Variants in RHOT2 observed in about 807,000 individuals in gnomAD.
RHOT2 encodes mitochondrial Rho GTPase 2.
Under a neutral mutation model 81.6 loss-of-function variants are expected in RHOT2, and 90 were observed. That is an observed-to-expected ratio of 1.10 (90% CI 0.93 to 1.31). The LOEUF (loss-of-function observed/expected upper bound fraction) is 1.31, where lower values mean the gene tolerates loss of function less well. Ranked by LOEUF, RHOT2 falls within the 40% of genes most tolerant of loss-of-function variation. The pLI is 0.00. For synonymous variants in RHOT2, 512 were observed against 370.9 expected (o/e 1.38, Z -4.37); for missense variants, 1,014 against 841.9 (o/e 1.20, Z -2.53).
chr16:669,926 G>A, intron 5 of RHOT2, 197 bp from the exon 6 acceptor site: 1 of 617,616 alleles, frequency 1.6e-6, no homozygotes, highest in Non-Finnish European at 2.8e-6. Context: ...GGGGTGTTTG[G>A]GAGCCATTGG....
intron 4 of RHOT2, 160 bp downstream of exon 4, chr16:668,859 G>A (rs1387824216): frequency 4.4e-6 from 3 of 686,264 alleles, no homozygotes; most frequent in Admixed American, 3.2e-5. Context: ...AGCGCACCCC[G>A]CTGGGAGCCG....
At chr16:668,832 G>C (rs1027877689) in intron 4 of RHOT2, 133 bp downstream of exon 4, 1 of 984,102 alleles carries the variant, frequency 1.0e-6, no homozygotes, top group Non-Finnish European at 1.5e-6. Context: ...CGCACTGAGG[G>C]TTGTCGGGGC....
At chr16:669,097 C>T (rs1007493561) in intron 4 of RHOT2, 9 of 388,508 alleles carry the variant, frequency 2.3e-5, no homozygotes, top group Non-Finnish European at 2.3e-5. Context: ...CAGGCCACAG[C>T]CACCCAGGGC....
In RHOT2 at chr16:672,369, C is replaced by T. The variant is rs141927684; in HGVS notation, c.1311C>T (p.Leu437=). The T allele has an allele frequency of 5.9e-5, 95 of 1,610,322 alleles. No individual in the cohort carries two copies. The highest frequency in any genetic ancestry group is 1.0e-4 in the Admixed American group (6 of 59,822). The part of the protein sequence containing the change: ...VGKSAFLQAF[L]GRGLGHQDTR... Reference sequence around the variant, plus strand: ...AGTCTGCCTTCCTGCAGGCCTTTCTCGGCCGCGGCCTGGGGGTAAGCACCC... The same window carrying T: ...AGTCTGCCTTCCTGCAGGCCTTTCTTGGCCGCGGCCTGGGGGTAAGCACCC... Residue 437 remains leucine (L), a synonymous_variant, in exon 15 of 19, where the codon CTC becomes CTT. Transcript: ENST00000315082.
rs774740268 is a variant in RHOT2 at position 670,900 on chromosome 16, C to T, written c.648C>T (p.Cys216=). ...CGTTCTCTCGGAAGCAGAAATCCTG[C>T]TTTGGGCACCCCCTGGCCCCGCAGG... The part of the protein sequence containing the change: ...DEELNAFQKS[C]FGHPLAPQAL... Residue 216 remains cysteine, a synonymous_variant, in exon 10 of 19, where the codon TGC becomes TGT. Transcript: ENST00000315082. 2 of 1,574,212 alleles carry T rather than the reference C, an allele frequency of 1.3e-6. No individual in the cohort carries two copies. Among genetic ancestry groups the T allele is most frequent in the South Asian group, 1.1e-5 (1 of 87,072 alleles).
Position 668,399 on chromosome 16 carries a change from G to A in RHOT2, c.84G>A (p.Glu28=). Residue 28 remains glutamate (E), a synonymous_variant, in exon 2 of 19, where the codon GAG becomes GAA. Transcript: ENST00000315082. The part of the protein sequence containing the change: ...TSLILSLVGE[E]FPEEVPPRAE... The stretch of plus-strand genomic sequence containing the variant: ...TGATCCTGTCCCTGGTGGGCGAGGA[G>A]TTCCCCGAGGAGGTAAGGGGCACGC... The A allele has an allele frequency of 1.4e-6, 2 of 1,476,478 alleles. No individual in the cohort carries two copies. The highest frequency in any genetic ancestry group is 2.4e-5 in the Admixed American group (1 of 40,852). 91.5% of individuals were successfully genotyped at this position (1,476,478 alleles called of 1,614,324 possible).
intron 4 of RHOT2, chr16:668,931 C>G (rs989007598): frequency 1.9e-6 from 1 of 535,078 alleles, no homozygotes; most frequent in Non-Finnish European, 3.2e-6. Context: ...GCTCTCCCTC[C>G]CTCCTGCCGG....
At position 670,515 on chromosome 16, in the gene RHOT2, C is replaced by G. The variant is rs373753356; in HGVS notation, c.498C>G (p.Val166=). 6.2e-7 allele frequency: 1 copy of G among 1,608,636 alleles called. No individual in the cohort carries two copies. The change falls in exon 8 of 19, where the codon GTC becomes GTG. Residue 166 remains valine, a synonymous_variant. Coordinates refer to ENST00000315082, the MANE Select transcript of RHOT2 (RefSeq NM_138769.3). The part of the protein sequence containing the change: ...SELFYYAQKA[V]LHPTAPLYDP... The stretch of plus-strand genomic sequence containing the variant: ...TGTTCTACTACGCCCAGAAGGCCGT[C>G]CTGCATCCCACAGCCCCCCTCTATG...
rs1033418197 is a variant in RHOT2, at chr16:673,595, A to G, written c.1846A>G (p.Lys616Glu). The G allele has an allele frequency of 1.2e-6, 2 of 1,607,028 alleles. No homozygotes were observed. The highest frequency in any genetic ancestry group is 1.7e-6 in the Non-Finnish European group (2 of 1,178,244). ...CTTCTCACTCTACAGGGTCCTGGTG[A>G]AGAGCCAGTGAGGCCCCTGGTACCC... ...LSFSLYRVLVKSQ is the reference protein window; with the variant it reads ...LSFSLYRVLVESQ Residue 616 changes from lysine (K) to glutamate (E), a missense_variant, in exon 19 of 19, where the codon AAG becomes GAG. Physicochemically the swap from Lys to Glu is moderately conservative, Grantham distance 56 (BLOSUM62 1). Transcript: ENST00000315082.
chr16:671,652 C>A, intron 11 of RHOT2, 45 bp from the exon 12 acceptor site: 3 of 1,581,072 alleles, frequency 1.9e-6, no homozygotes, highest in Non-Finnish European at 1.7e-6. Flanking sequence ...GAGCGTGGTG[C>A]TGCAGAGTCT....
At chr16:668,317 C>A in intron 1 of RHOT2, 36 bp from the exon 2 acceptor site, 4 of 1,298,518 alleles carry the variant, frequency 3.1e-6, no homozygotes, top group Non-Finnish European at 2.9e-6. Context: ...GGCGCCGTGA[C>A]CTTGGCCCTC....
rs779934997 is a variant in RHOT2, at chr16:671,935, G to C, written c.1030G>C (p.Glu344Gln). ...SVFPAAPWGP[E>Q]LPRTVRTEAG... is the part of the protein sequence containing the mutation. ...GTTCCCAGCAGCGCCCTGGGGCCCC[G>C]AGCTCCCACGCACAGTCCGCACAGA... The change falls in exon 13 of 19, where the codon GAG becomes CAG. Residue 344 changes from glutamate to glutamine, a missense_variant. Transcript: ENST00000315082. 6.2e-7 allele frequency: 1 copy of C among 1,611,840 alleles called. No homozygotes were observed. The highest frequency in any genetic ancestry group is 1.3e-5 in the African/African-American group (1 of 74,782).
At chr16:669,881 T>C in intron 5 of RHOT2, 1 of 611,902 alleles carries the variant, frequency 1.6e-6, no homozygotes, top group South Asian at 2.0e-5. Context: ...GGGCCTGCGT[T>C]GGGGGCGGCC....
In RHOT2 at chr16:670,582, C is replaced by T. The variant is rs751820079; in HGVS notation, c.540+25C>T. The T allele has an allele frequency of 1.4e-5, 23 of 1,595,372 alleles. No individual in the cohort carries two copies. The East Asian group carries it at 2.0e-4, about 14-fold the overall frequency. ...GGTGAGCATCGGCTGGGGCCCCGCA[C>T]GCTGGTTCCCCAGGGGCCCAGGGGG... On this transcript the variant is annotated intron_variant, in intron 8 of 18. Transcript: ENST00000315082.
intron 4 of RHOT2, chr16:669,093 A>G: frequency 2.6e-6 from 1 of 390,820 alleles, no homozygotes; most frequent in Non-Finnish European, 4.7e-6. Context: ...GGCACAGGCC[A>G]CAGCCACCCA....
intron 11 of RHOT2, 99 bp downstream of exon 11, chr16:671,302 T>C: frequency 6.9e-7 from 1 of 1,457,760 alleles, no homozygotes; most frequent in Non-Finnish European, 9.1e-7. Flanking sequence ...GTTTGAGGCC[T>C]GCCCTCCCTG....
In RHOT2 at chr16:673,558, C is replaced by G. The variant is rs370432749; in HGVS notation, c.1809C>G (p.Ala603=). ...GLLGVVGAAV[A]AVLSFSLYRV... is the part of the protein sequence containing the mutation. The stretch of plus-strand genomic sequence containing the variant: ...TGGGGGTTGTCGGGGCCGCCGTGGC[C>G]GCAGTCCTCAGCTTCTCACTCTACA... The change falls in exon 19 of 19, where the codon GCC becomes GCG. Residue 603 remains alanine (A), a synonymous_variant. Transcript: ENST00000315082. 2 of 1,612,360 alleles carry G rather than the reference C, an allele frequency of 1.2e-6. No individual in the cohort carries two copies. The highest frequency in any genetic ancestry group is 1.1e-5 in the South Asian group (1 of 91,066).
intron 12 of RHOT2, 29 bp downstream of exon 12, chr16:671,810 G>GGCCCCCCCCCCCC: frequency 1.9e-6 from 3 of 1,586,222 alleles, no homozygotes; most frequent in Non-Finnish European, 2.6e-6. Context: ...CCCTGCCCCT[G>GGCCCCCCCCCCCC]CCCCCGCCCC....
At chr16:673,449 G>T (rs201153710) in intron 18 of RHOT2, 31 bp from the exon 19 acceptor site, 1 of 1,612,220 alleles carries the variant, frequency 6.2e-7, no homozygotes, top group Non-Finnish European at 8.5e-7. Context: ...ATGTGCCTGA[G>T]GTATCTGCAG....
Sources: allele counts gnomAD v4.1 joint callset, GRCh38; gene constraint gnomAD v4.1.1; transcripts MANE v1.5; gene names NCBI Gene and HGNC (gene_info 2026-07-23, HGNC 2026-07-21).